Variants in FAF2 observed in about 807,000 individuals in gnomAD.
The protein encoded by FAF2 is FAS-associated factor 2.
In FAF2, 9 loss-of-function variants were observed where a neutral mutation model predicts 62.3. The ratio of observed to expected loss-of-function variants is 0.14; its 90% CI spans 0.09 to 0.25. The LOEUF (loss-of-function observed/expected upper bound fraction) is 0.25, where lower values mean the gene tolerates loss of function less well. Ranked by LOEUF, FAF2 falls within the 10% of genes least tolerant of loss-of-function variation. The pLI is 1.00. For missense variants in FAF2, 368 were observed against 556.2 expected, an observed-to-expected ratio of 0.66 and a Z score of 3.40; for synonymous variants, 202 against 198.0, an observed-to-expected ratio of 1.02 and a Z score of -0.17.
At chr5:176,506,187 T>C (rs1755680466) in intron 10 of FAF2, among the ~76,000 whole-genome samples, 1 of 133,220 alleles carries the variant, frequency 7.5e-6, no homozygotes, top group African/African-American at 3.0e-5. Context: ...AGAGCGAGAC[T>C]CTCTCAAAAA....
chr5:176,475,817 G>A (rs990200598), intron 1 of FAF2, among the ~76,000 whole-genome samples: 11 of 151,986 alleles, frequency 7.2e-5, no homozygotes, highest in Non-Finnish European at 1.5e-5. Context: ...TCCCAGCTCG[G>A]CTGTACATTA....
intron 10 of FAF2, among the ~76,000 whole-genome samples, chr5:176,502,584 A>G (rs1351741604): frequency 6.6e-6 from 1 of 152,140 alleles, no homozygotes; most frequent in Non-Finnish European, 1.5e-5. Flanking sequence ...CTGGCTCAAA[A>G]AAAAAAGAAT....
At chr5:176,475,755 C>T (rs1758677591) in intron 1 of FAF2, among the ~76,000 whole-genome samples, 1 of 149,786 alleles carries the variant, frequency 6.7e-6, no homozygotes, top group South Asian at 2.1e-4. Context: ...GGGACAAGAG[C>T]GAGACTTCGT....
chr5:176,457,232 A>T (rs141800695), intron 1 of FAF2, among the ~76,000 whole-genome samples: 1 of 152,262 alleles, frequency 6.6e-6, no homozygotes, highest in Non-Finnish European at 1.5e-5. Flanking sequence ...TGTTGTCCCC[A>T]GGCTGGAGTG....
At chr5:176,499,895 A>G in intron 9 of FAF2, 108 bp from the exon 10 acceptor site, 1 of 1,336,818 alleles carries the variant, frequency 7.5e-7, no homozygotes, top group Non-Finnish European at 1.0e-6. Context: ...GGTTTTTCTT[A>G]GAATACTTAG....
At position 176,509,959 on chromosome 5, in the gene FAF2, C is replaced by G. The variant is rs889232673; in HGVS notation, c.*3009C>G. On this transcript the variant is annotated 3_prime_UTR_variant, in exon 11 of 11. Coordinates refer to ENST00000261942, the MANE Select transcript of FAF2 (RefSeq NM_014613.3). ...GGATGCAGTGCCCCAACTTGTACTGCGCCTGAATAGTCATGTGATAATTTA... is the reference window on the plus strand; with the variant it reads ...GGATGCAGTGCCCCAACTTGTACTGGGCCTGAATAGTCATGTGATAATTTA... 3 of 152,592 alleles carry G rather than the reference C, an allele frequency of 2.0e-5. No individual in the cohort carries two copies. The highest frequency in any genetic ancestry group is 4.4e-5 in the Non-Finnish European group (3 of 68,046). 9.5% of individuals were successfully genotyped at this position (152,592 alleles called of 1,614,324 possible).
chr5:176,498,401 CAG>C (rs1371561462), intron 8 of FAF2, among the ~76,000 whole-genome samples: 3 of 151,978 alleles, frequency 2.0e-5, no homozygotes, highest in South Asian at 2.1e-4. Flanking sequence ...TAAGAGAAAA[CAG>C]AAATTTGTTG....
At chr5:176,472,719 C>CAAAAAAAAAAA (rs66911150) in intron 1 of FAF2, among the ~76,000 whole-genome samples, 1 of 108,514 alleles carries the variant, frequency 9.2e-6, no homozygotes, top group Non-Finnish European at 2.0e-5. Flanking sequence ...TTCATCTCTA[C>CAAAAAAAAAAA]AAAAAAAAAA....
In FAF2 at chr5:176,488,977, G is replaced by C. The variant is rs1188129424; in HGVS notation, c.294G>C (p.Leu98Phe). ...PRGLLGWGYY[L>F]IMLPFRFTYY... ...GGCTGCTTGGATGGGGTTATTACTT[G>C]ATAATGCTTCCATTCCGGTTTACCT... Residue 98 changes from leucine (L) to phenylalanine (F), a missense_variant, in exon 4 of 11, where the codon TTG becomes TTC. Leu to Phe is a conservative substitution (Grantham distance 22). Transcript: ENST00000261942. 1.9e-6 allele frequency: 3 copies of C among 1,613,882 alleles called. No individual in the cohort carries two copies. Among genetic ancestry groups the C allele is most frequent in the Non-Finnish European group, 2.5e-6 (3 of 1,179,964 alleles).
rs548065334 is a variant in FAF2 at position 176,494,657 on chromosome 5, C to A, written c.661+382C>A. Among the ~76,000 whole-genome samples, 1 of 152,104 alleles carries A rather than the reference C, an allele frequency of 6.6e-6. No homozygotes were observed. The highest frequency in any genetic ancestry group is 1.5e-5 in the Non-Finnish European group (1 of 68,028). ...GCAACCTCCACCTCCTGGGTTCAAG[C>A]GATTGTCCTGCCTCAGCCTCCTGAG... On this transcript the variant is annotated intron_variant, in intron 7 of 10. Transcript: ENST00000261942. The surrounding 1 kb of genome is among the most constrained non-coding windows in gnomAD (Gnocchi z 4.0).
In FAF2 at chr5:176,472,631, TCATG is replaced by T. The variant is rs1307082609; in HGVS notation, c.64-6555_64-6552del. 4.0e-5 allele frequency among the ~76,000 whole-genome samples: 6 copies of T among 149,498 alleles called. No individual in the cohort carries two copies. In the East Asian group the frequency reaches 1.2e-3, roughly 29 times the overall value. On this transcript the variant is annotated intron_variant, in intron 1 of 10. Coordinates refer to ENST00000261942, the MANE Select transcript of FAF2 (RefSeq NM_014613.3). Reference sequence around the variant, plus strand: ...CTTCATACAGGCCCACCATGGTGGCTCATGCTTTGGGAGGCTGAGGTGGGAGGAT... The same window carrying T: ...CTTCATACAGGCCCACCATGGTGGCTCTTTGGGAGGCTGAGGTGGGAGGAT...
At chr5:176,451,357 C>T (rs931237667) in intron 1 of FAF2, among the ~76,000 whole-genome samples, 8 of 152,074 alleles carry the variant, frequency 5.3e-5, no homozygotes, top group South Asian at 2.1e-4. Flanking sequence ...GGCAACAGAG[C>T]GGGACTCTGT....
chr5:176,466,862 G>A (rs1561817894), intron 1 of FAF2, among the ~76,000 whole-genome samples: 1 of 148,122 alleles, frequency 6.8e-6, no homozygotes, highest in Non-Finnish European at 1.5e-5. Context: ...TCTCCCCTGT[G>A]CATTTTACTA....
chr5:176,502,429 A>G (rs183812423), intron 10 of FAF2, among the ~76,000 whole-genome samples: 1 of 152,052 alleles, frequency 6.6e-6, no homozygotes, highest in East Asian at 2.0e-4. Context: ...AAAAATACAA[A>G]ATTAGCTGGG....
chr5:176,507,268 C>T lies in FAF2; in HGVS notation c.*318C>T, dbSNP rs1425561271. On this transcript the variant is annotated 3_prime_UTR_variant, in exon 11 of 11. Transcript: ENST00000261942. Reference sequence around the variant, plus strand: ...CTTCACCTTCGACCCATCCATTGTCCCAGCTGGGAAGGGGACATTCCCACT... The same window carrying T: ...CTTCACCTTCGACCCATCCATTGTCTCAGCTGGGAAGGGGACATTCCCACT... 4.4e-6 allele frequency: 2 copies of T among 454,046 alleles called. No homozygotes were observed. Among genetic ancestry groups the T allele is most frequent in the East Asian group, 1.4e-4 (2 of 14,294 alleles). The allele number at this position is 454,046 out of a possible 1,614,324, so 28.1% of individuals were successfully genotyped here.
intron 1 of FAF2, among the ~76,000 whole-genome samples, chr5:176,462,529 C>G (rs538989695): frequency 1.3e-5 from 2 of 152,074 alleles, no homozygotes; most frequent in African/African-American, 2.4e-5. Context: ...GAGGCTGAGG[C>G]AGGAGAATCA....
At chr5:176,456,940 C>T (rs1015624233) in intron 1 of FAF2, among the ~76,000 whole-genome samples, 1 of 152,152 alleles carries the variant, frequency 6.6e-6, no homozygotes, top group Non-Finnish European at 1.5e-5. Flanking sequence ...GTTTGCTGGC[C>T]TCCCTTTTTT....
chr5:176,505,506 T>G (rs931323081), intron 10 of FAF2, among the ~76,000 whole-genome samples: 2 of 152,130 alleles, frequency 1.3e-5, no homozygotes, highest in Non-Finnish European at 2.9e-5. Flanking sequence ...ACAGGTGGTG[T>G]TTGGTTACAT....
At chr5:176,496,124 C>G (rs59713814) in intron 7 of FAF2, among the ~76,000 whole-genome samples, 4,668 of 152,214 alleles carry the variant, frequency 0.031, 220 homozygotes, top group African/African-American at 0.11. Context: ...GAAAGCCTGT[C>G]CTATTCTAGT....
Sources: gnomAD v4.1 joint callset for allele counts (sites outside exome capture counted in the v4.1 genomes callset) on GRCh38, gnomAD v4.1.1 for gene constraint, Gnocchi (gnomAD v3.1) non-coding constraint, MANE v1.5 for transcripts, NCBI Gene and HGNC (gene_info 2026-07-23, HGNC 2026-07-21) for gene names.